The following ITK variants were observed in gnomAD, a reference collection of about 807,000 sequenced individuals.
The protein encoded by ITK is IL2 inducible T cell kinase, also known as tyrosine-protein kinase ITK/TSK.
A neutral mutation model predicts 87.6 loss-of-function variants in ITK; 45 were observed. The ratio of observed to expected loss-of-function variants is 0.51; its 90% CI spans 0.40 to 0.66. The LOEUF is 0.66. Among genes scored for constraint, ITK ranks in the 30% least tolerant of loss-of-function variants. ITK has a pLI of 0.00. For synonymous variants in ITK, 303 were observed against 273.6 expected (o/e 1.11, Z -1.06); for missense variants, 605 against 766.3 (o/e 0.79, Z 2.48).
chr5:157,185,620 C>T (rs1039977450), intron 1 of ITK, among the ~76,000 whole-genome samples: 5 of 148,860 alleles, frequency 3.4e-5, no homozygotes, highest in African/African-American at 7.4e-5. Flanking sequence ...CCTAGGTGGG[C>T]GGATCACTTG....
rs1462844325 is a variant in ITK at position 157,246,538 on chromosome 5, C to T, written c.1633+539C>T. ...AAAAGATCATAATAACAGTCATAAA[C>T]AATAATAATAATAAACAAGCTAAGG... On this transcript the variant is annotated intron_variant, in intron 15 of 16. Coordinates refer to ENST00000422843, the MANE Select transcript of ITK (RefSeq NM_005546.4). 3.3e-5 allele frequency among the ~76,000 whole-genome samples: 5 copies of T among 151,844 alleles called. No individual in the cohort carries two copies. The East Asian group carries it at 5.8e-4, about 18-fold the overall frequency.
At chr5:157,226,455 G>A (rs1754533060) in intron 6 of ITK, among the ~76,000 whole-genome samples, 1 of 152,216 alleles carries the variant, frequency 6.6e-6, no homozygotes, top group Admixed American at 6.5e-5. Context: ...AATTCCAAGA[G>A]TGATACAGAA....
chr5:157,200,841 C>G (rs971199153), intron 1 of ITK, among the ~76,000 whole-genome samples: 7 of 152,184 alleles, frequency 4.6e-5, no homozygotes, highest in Admixed American at 2.6e-4. Context: ...TCGCTGTCCA[C>G]TAAGGTAACC....
At chr5:157,213,461 T>C (rs1211753302) in intron 3 of ITK, 2 of 390,742 alleles carry the variant, frequency 5.1e-6, no homozygotes, top group Non-Finnish European at 9.9e-6. Flanking sequence ...CACTGCAGCC[T>C]CGACCTATTG....
chr5:157,249,305 A>G (rs1355948685), intron 16 of ITK, among the ~76,000 whole-genome samples: 1 of 152,264 alleles, frequency 6.6e-6, no homozygotes, highest in Non-Finnish European at 1.5e-5. Context: ...CTGAGAAGAG[A>G]AAAAAAGTCT....
chr5:157,191,834 C>T (rs1473444504), intron 1 of ITK, among the ~76,000 whole-genome samples: 1 of 152,078 alleles, frequency 6.6e-6, no homozygotes, highest in Non-Finnish European at 1.5e-5. Context: ...CAAAAAAAAG[C>T]AGTATACATA....
chr5:157,227,549 A>G (rs1465671935), intron 6 of ITK, among the ~76,000 whole-genome samples: 1 of 152,142 alleles, frequency 6.6e-6, no homozygotes, highest in Non-Finnish European at 1.5e-5. Flanking sequence ...TTGGAAAGTC[A>G]TCTTTTATAT....
chr5:157,210,967 A>G (rs1337138224), intron 2 of ITK, among the ~76,000 whole-genome samples: 1 of 152,008 alleles, frequency 6.6e-6, no homozygotes, highest in Non-Finnish European at 1.5e-5. Context: ...ATGTGCCAGA[A>G]ATATTTTTTT....
At chr5:157,191,176 G>A (rs940163153) in intron 1 of ITK, among the ~76,000 whole-genome samples, 2 of 151,916 alleles carry the variant, frequency 1.3e-5, no homozygotes, top group Non-Finnish European at 2.9e-5. Context: ...GTCTCACTCT[G>A]TCACCCAGGC....
Position 157,254,076 on chromosome 5 carries a change from G to A in ITK, c.*1398G>A, listed in dbSNP as rs188565647. ...TATTCTAGCCCAAATCTGTCTGACC[G>A]CAATACACAGATTCTTTATTCCTAT... is the stretch of plus-strand genomic sequence containing the variant. On this transcript the variant is annotated 3_prime_UTR_variant, in exon 17 of 17. Transcript: ENST00000422843. 5.7e-4 allele frequency: 130 copies of A among 226,590 alleles called. 1 individual carries two copies. Among genetic ancestry groups the A allele is most frequent in the Admixed American group, 2.4e-3 (43 of 17,570 alleles). 14.0% of individuals were successfully genotyped at this position (226,590 alleles called of 1,614,324 possible).
chr5:157,194,825 T>G (rs971277056), intron 1 of ITK, among the ~76,000 whole-genome samples: 1 of 152,218 alleles, frequency 6.6e-6, no homozygotes, highest in African/African-American at 2.4e-5. Context: ...AGAATACTAT[T>G]GAGCAGACAA....
At chr5:157,189,975 C>T (rs1189404667) in intron 1 of ITK, among the ~76,000 whole-genome samples, 1 of 152,168 alleles carries the variant, frequency 6.6e-6, no homozygotes, top group Admixed American at 6.5e-5. Flanking sequence ...TCATGACACT[C>T]AGAGGCCTCA....
intron 3 of ITK, among the ~76,000 whole-genome samples, chr5:157,211,845 T>C (rs1754197728): frequency 6.6e-6 from 1 of 152,138 alleles, no homozygotes; most frequent in Admixed American, 6.5e-5. Context: ...CAGTTTCCCA[T>C]CTGTTTAAAA....
chr5:157,238,264 A>G, intron 9 of ITK, 73 bp downstream of exon 9: 1 of 1,121,926 alleles, frequency 8.9e-7, no homozygotes, highest in East Asian at 2.4e-5. Flanking sequence ...GGAAAAGACA[A>G]CAAAGTTAGA....
chr5:157,195,202 T>C (rs1284721952), intron 1 of ITK: 2 of 152,198 alleles, frequency 1.3e-5, no homozygotes, highest in Admixed American at 6.5e-5. Flanking sequence ...TTTCTCTCAA[T>C]CCAAGAAAAG....
intron 8 of ITK, among the ~76,000 whole-genome samples, chr5:157,236,586 G>A (rs1474340627): frequency 6.6e-6 from 1 of 152,078 alleles, no homozygotes; most frequent in African/African-American, 2.4e-5. Flanking sequence ...GTCTAACTCT[G>A]ACCTTTACTT....
In ITK at chr5:157,211,273, G is replaced by C. The variant is rs746623551; in HGVS notation, c.244-14G>C. 1.2e-6 allele frequency: 2 copies of C among 1,610,044 alleles called. No individual in the cohort carries two copies. The highest frequency in any genetic ancestry group is 3.3e-5 in the Admixed American group (2 of 60,002). On this transcript the variant is annotated splice_polypyrimidine_tract_variant and intron_variant, in intron 2 of 16. Transcript: ENST00000422843. ...GCACGCTGCTCACCTTGAACTCTGT[G>C]TGTGTGTCTCCAGGTGGTGCATGAC...
At position 157,254,929 on chromosome 5, in the gene ITK, A is replaced by T. The variant is rs1755221249; in HGVS notation, c.*2251A>T. On this transcript the variant is annotated 3_prime_UTR_variant, in exon 17 of 17. Coordinates refer to ENST00000422843, the MANE Select transcript of ITK (RefSeq NM_005546.4). ...TGGTTTTTCTCTTCTCACATTTTTT[A>T]AATGGTCCCCTGTGTTTGTAGAGAA... 9.3e-6 allele frequency: 2 copies of T among 214,578 alleles called. No individual in the cohort carries two copies. The highest frequency in any genetic ancestry group is 1.9e-5 in the Non-Finnish European group (2 of 106,424). The allele number at this position is 214,578 out of a possible 1,614,324, so 13.3% of individuals were successfully genotyped here.
rs758820629 is a variant in ITK at position 157,245,768 on chromosome 5, G to T, written c.1492G>T (p.Val498Leu). 4.5e-5 allele frequency: 72 copies of T among 1,614,040 alleles called. No homozygotes were observed. The highest frequency in any genetic ancestry group is 5.9e-5 in the Non-Finnish European group (70 of 1,180,028). Residue 498 changes from valine (V) to leucine (L), a missense_variant, in exon 14 of 17, where the codon GTG becomes TTG. This residue lies in a region of ITK where 70 missense variants were observed against 122.5 expected (regional missense o/e 0.57). Transcript: ENST00000422843. ...CLVGENQVIK[V>L]SDFGMTRFVL... is the part of the protein sequence containing the mutation. ...GGTGGGAGAAAACCAAGTCATCAAG[G>T]TGTCTGACTTTGGGATGACAAGGTA...
Sources: allele counts gnomAD v4.1 joint callset (sites outside exome capture counted in the v4.1 genomes callset), GRCh38; gene constraint gnomAD v4.1.1; regional missense constraint gnomAD v4.1.1; transcripts MANE v1.5; gene names NCBI Gene and HGNC (gene_info 2026-07-23, HGNC 2026-07-21).